SNX13: variants seen among roughly 807,000 people sequenced by gnomAD.
SNX13 encodes the protein sorting nexin 13.
SNX13 carries 45 observed loss-of-function variants against 133.6 expected under a neutral mutation model. The observed-to-expected ratio is 0.34, with a 90% CI of 0.27 to 0.43. SNX13 has a LOEUF of 0.43. Among genes scored for constraint, SNX13 ranks in the 20% least tolerant of loss-of-function variants. SNX13 has a pLI of 1.00. For synonymous variants in SNX13, 414 were observed against 373.9 expected (o/e 1.11, Z -1.24); for missense variants, 1,032 against 1,145.1 (o/e 0.90, Z 1.43).
At chr7:17,903,003 T>C (rs1290589527) in intron 1 of SNX13, among the ~76,000 whole-genome samples, 1 of 152,180 alleles carries the variant, frequency 6.6e-6, no homozygotes, top group Non-Finnish European at 1.5e-5. Context: ...TCGCAGGCCA[T>C]GGAAAAATTG....
chr7:17,819,972 T>C (rs184099125), intron 18 of SNX13, among the ~76,000 whole-genome samples: 5 of 152,144 alleles, frequency 3.3e-5, no homozygotes, highest in Non-Finnish European at 7.4e-5. Context: ...CGTGAGCTGT[T>C]TGAAAAAGAA....
intron 15 of SNX13, chr7:17,832,641 T>C (rs942706804): frequency 4.2e-6 from 1 of 238,332 alleles, no homozygotes; most frequent in Non-Finnish European, 6.8e-6. Context: ...AGTACAGATA[T>C]ATAGAACAAA....
At chr7:17,847,302 T>C (rs1790660833) in intron 11 of SNX13, among the ~76,000 whole-genome samples, 1 of 152,090 alleles carries the variant, frequency 6.6e-6, no homozygotes, top group African/African-American at 2.4e-5. Flanking sequence ...ATAATTCACC[T>C]AGAAAACTAA....
Position 17,843,155 on chromosome 7 carries a change from T to TA in SNX13, c.1165+2439dup, listed in dbSNP as rs201284155. Among the ~76,000 whole-genome samples the TA allele has an allele frequency of 6.2e-3, 936 of 151,984 alleles. 5 individuals are homozygous for TA. Among genetic ancestry groups the TA allele is most frequent in the African/African-American group, 0.022 (898 of 41,494 alleles). On this transcript the variant is annotated intron_variant, in intron 12 of 25. Transcript: ENST00000428135. ...AAAGACAGAGACTGGCAGAATGGAT[T>TA]AAAAAAATCAATCCAATGATATACT...
intron 1 of SNX13, among the ~76,000 whole-genome samples, chr7:17,932,939 G>A (rs986893825): frequency 5.3e-5 from 8 of 152,140 alleles, no homozygotes; most frequent in Non-Finnish European, 7.3e-5. Context: ...TAAATTTAGC[G>A]CTGATAGTGA....
At chr7:17,863,451 G>A (rs1562798467) in intron 9 of SNX13, among the ~76,000 whole-genome samples, 1 of 152,124 alleles carries the variant, frequency 6.6e-6, no homozygotes, top group African/African-American at 2.4e-5. Context: ...GAATACAGAG[G>A]GCTGTGTCTT....
chr7:17,869,384 GA>G (rs1793777097), intron 8 of SNX13, among the ~76,000 whole-genome samples: 1 of 151,816 alleles, frequency 6.6e-6, no homozygotes, highest in African/African-American at 2.4e-5. Flanking sequence ...TAAATGAGTA[GA>G]AAAAAAGAAA....
intron 20 of SNX13, among the ~76,000 whole-genome samples, chr7:17,810,819 T>G (rs1785913611): frequency 6.6e-6 from 1 of 152,188 alleles, no homozygotes; most frequent in South Asian, 2.1e-4. Context: ...TCAAGTTGGC[T>G]TCATCCCTGG....
At chr7:17,806,472 A>C (rs1785309489) in intron 20 of SNX13, among the ~76,000 whole-genome samples, 1 of 152,224 alleles carries the variant, frequency 6.6e-6, no homozygotes, top group Non-Finnish European at 1.5e-5. Context: ...ATTTAGCCAA[A>C]AAGGAAATAA....
In SNX13 at chr7:17,792,516, C is replaced by G. The variant is rs957361949; in HGVS notation, c.*1529G>C. ...ATAACCCTCACTTTGTAAGTAGGAT[C>G]TAAGTGAAAACAAGACAGTGATATC... On this transcript the variant is annotated 3_prime_UTR_variant, in exon 26 of 26. Transcript: ENST00000428135. 1 of 152,384 alleles carries G rather than the reference C, an allele frequency of 6.6e-6. No individual in the cohort carries two copies. Among genetic ancestry groups the G allele is most frequent in the Non-Finnish European group, 1.5e-5 (1 of 67,914 alleles). 9.4% of individuals were successfully genotyped at this position (152,384 alleles called of 1,614,324 possible).
chr7:17,797,750 G>A (rs1182057388), intron 24 of SNX13, among the ~76,000 whole-genome samples: 1 of 151,730 alleles, frequency 6.6e-6, no homozygotes. Context: ...CCACTCCAGA[G>A]GAACATCATT....
At chr7:17,912,595 G>C (rs900040911) in intron 1 of SNX13, among the ~76,000 whole-genome samples, 5 of 152,170 alleles carry the variant, frequency 3.3e-5, no homozygotes, top group Admixed American at 2.0e-4. Context: ...ATTTCTAGTA[G>C]AGACGGGGTT....
intron 20 of SNX13, among the ~76,000 whole-genome samples, chr7:17,808,461 G>T (rs1785581722): frequency 6.6e-6 from 1 of 152,178 alleles, no homozygotes; most frequent in African/African-American, 2.4e-5. Flanking sequence ...TATGAGAAAA[G>T]ACCAAACCTA....
chr7:17,939,340 A>T (rs1802484478), intron 1 of SNX13, among the ~76,000 whole-genome samples: 1 of 152,210 alleles, frequency 6.6e-6, no homozygotes, highest in South Asian at 2.1e-4. Context: ...CACAGTACTT[A>T]AAGTGAAAGG....
chr7:17,897,574 T>A (rs1797342301), intron 1 of SNX13, 128 bp from the exon 2 acceptor site: 3 of 523,512 alleles, frequency 5.7e-6, no homozygotes, highest in Non-Finnish European at 9.9e-6. Context: ...TTTCAGTAAC[T>A]TTTGAAAATG....
chr7:17,799,101 G>C lies in SNX13; in HGVS notation c.2352C>G (p.Phe784Leu). 1.9e-6 allele frequency: 3 copies of C among 1,610,016 alleles called. No homozygotes were observed. Among genetic ancestry groups the C allele is most frequent in the Non-Finnish European group, 2.5e-6 (3 of 1,177,550 alleles). ...ACCACTGATTTCTTTCTTTTAAGTC[G>C]AATACTTCATCCATGAGAAGCAGCA... ...RVMLLLMDEVFDLKERNQWLR... is the reference protein window; with the variant it reads ...RVMLLLMDEVLDLKERNQWLR... The change falls in exon 23 of 26, where the codon TTC becomes TTG. Residue 784 changes from phenylalanine to leucine, a missense_variant. Phe to Leu is a conservative substitution (Grantham distance 22). Transcript: ENST00000428135.
chr7:17,922,265 A>C (rs1398791142), intron 1 of SNX13, among the ~76,000 whole-genome samples: 1 of 152,198 alleles, frequency 6.6e-6, no homozygotes, highest in Non-Finnish European at 1.5e-5. Context: ...GGGCAGTGGA[A>C]GAGGACACTG....
intron 19 of SNX13, 79 bp from the exon 20 acceptor site, chr7:17,815,023 G>C (rs1786503549): frequency 7.7e-7 from 1 of 1,303,316 alleles, no homozygotes; most frequent in Non-Finnish European, 9.8e-7. Flanking sequence ...TATAATTTTA[G>C]CTCATAAATT....
At chr7:17,875,909 A>G in intron 5 of SNX13, 119 bp from the exon 6 acceptor site, 3 of 798,696 alleles carry the variant, frequency 3.8e-6, no homozygotes, top group Non-Finnish European at 5.6e-6. Flanking sequence ...TTAAATTGAG[A>G]TTTTCATTCA....
Sources: gnomAD v4.1 joint callset for allele counts (sites outside exome capture counted in the v4.1 genomes callset) on GRCh38, gnomAD v4.1.1 for gene constraint, MANE v1.5 for transcripts, NCBI Gene and HGNC (gene_info 2026-07-23, HGNC 2026-07-21) for gene names.